Variants in NTF3 observed in about 807,000 individuals in gnomAD.
NTF3 encodes the protein neurotrophin 3.
Under a neutral mutation model 26.3 loss-of-function variants are expected in NTF3, and 8 were observed. That is an observed-to-expected ratio of 0.30 (90% confidence interval 0.18 to 0.55). The LOEUF is 0.55. Ranked by LOEUF, NTF3 falls within the 20% of genes least tolerant of loss-of-function variation. The probability of loss-of-function intolerance (pLI) is 0.93; values close to 1 mark genes in which losing one functional copy is unlikely to be tolerated. For synonymous variants in NTF3, 154 were observed against 145.5 expected (o/e 1.06, Z -0.42); for missense variants, 276 against 352.9 (o/e 0.78, Z 1.75).
chr12:5,485,907 T>A (rs1249039459), intron 1 of NTF3, among the ~76,000 whole-genome samples: 1 of 152,026 alleles, frequency 6.6e-6, no homozygotes, highest in African/African-American at 2.4e-5. Context: ...CCCTAGTCTG[T>A]AAAAGTACTC....
chr12:5,442,459 C>A (rs1454818049), intron 1 of NTF3, among the ~76,000 whole-genome samples: 2 of 152,100 alleles, frequency 1.3e-5, no homozygotes, highest in African/African-American at 4.8e-5. Flanking sequence ...CACCAGGGTA[C>A]TTCTCAGAAG....
At chr12:5,451,683 GT>G (rs889370179) in intron 1 of NTF3, among the ~76,000 whole-genome samples, 2 of 151,994 alleles carry the variant, frequency 1.3e-5, no homozygotes, top group African/African-American at 4.8e-5. Context: ...CTTTATTTTT[GT>G]TTTTTTACTT....
intron 1 of NTF3, among the ~76,000 whole-genome samples, chr12:5,491,822 C>A (rs1940942119): frequency 6.6e-6 from 1 of 150,710 alleles, no homozygotes; most frequent in Admixed American, 6.7e-5. Flanking sequence ...CGGGTTCACA[C>A]CATTCTCCTG....
intron 1 of NTF3, among the ~76,000 whole-genome samples, chr12:5,452,502 G>T (rs954145070): frequency 3.3e-5 from 5 of 152,074 alleles, no homozygotes; most frequent in Admixed American, 1.3e-4. Context: ...TTTCCTTTTG[G>T]TCACACTTTT....
intron 1 of NTF3, among the ~76,000 whole-genome samples, chr12:5,465,795 T>G (rs1370091515): frequency 6.6e-6 from 1 of 152,214 alleles, no homozygotes; most frequent in Non-Finnish European, 1.5e-5. Flanking sequence ...ACTGAGCTCT[T>G]CCATCAGGGA....
chr12:5,473,272 G>A (rs898432914), intron 1 of NTF3, among the ~76,000 whole-genome samples: 1 of 152,162 alleles, frequency 6.6e-6, no homozygotes, highest in African/African-American at 2.4e-5. Flanking sequence ...ACTTGTGCTA[G>A]GACCGCATGA....
chr12:5,451,625 T>C (rs1940373621), intron 1 of NTF3, among the ~76,000 whole-genome samples: 1 of 152,238 alleles, frequency 6.6e-6, no homozygotes, highest in Non-Finnish European at 1.5e-5. Context: ...TCTCTGTGTG[T>C]GCATGTGTTT....
At chr12:5,455,760 A>T (rs572645279) in intron 1 of NTF3, among the ~76,000 whole-genome samples, 27 of 152,234 alleles carry the variant, frequency 1.8e-4, no homozygotes, top group African/African-American at 5.3e-4. Context: ...ACAGCAGCTG[A>T]TCGGGAACAT....
chr12:5,493,014 C>G (rs1940958052), intron 1 of NTF3, among the ~76,000 whole-genome samples: 1 of 152,194 alleles, frequency 6.6e-6, no homozygotes, highest in South Asian at 2.1e-4. Context: ...ATGTACCCCC[C>G]TGGGAGCCAG....
At chr12:5,445,925 C>T (rs1014648182) in intron 1 of NTF3, among the ~76,000 whole-genome samples, 7 of 152,142 alleles carry the variant, frequency 4.6e-5, no homozygotes, top group African/African-American at 1.7e-4. Flanking sequence ...AGAAATTGGA[C>T]GCTAGGAGGA....
At chr12:5,483,640 C>A (rs1247603555) in intron 1 of NTF3, among the ~76,000 whole-genome samples, 1 of 152,114 alleles carries the variant, frequency 6.6e-6, no homozygotes, top group African/African-American at 2.4e-5. Context: ...ATTTATAGTC[C>A]TTTGGGTATA....
intron 1 of NTF3, among the ~76,000 whole-genome samples, chr12:5,443,492 C>T (rs1940265523): frequency 6.6e-6 from 1 of 152,124 alleles, no homozygotes. Context: ...TTCCATGCAA[C>T]CTCTGCATGC....
At chr12:5,432,924 A>G (rs905460280) in intron 1 of NTF3, among the ~76,000 whole-genome samples, 1 of 152,020 alleles carries the variant, frequency 6.6e-6, no homozygotes, top group African/African-American at 2.4e-5. Flanking sequence ...CCGGCCGCTG[A>G]GCCTGATTCT....
At chr12:5,465,133 C>T (rs1199541478) in intron 1 of NTF3, among the ~76,000 whole-genome samples, 1 of 152,212 alleles carries the variant, frequency 6.6e-6, no homozygotes, top group African/African-American at 2.4e-5. Context: ...CATCTCCCGC[C>T]CTCAGTCCAG....
intron 1 of NTF3, among the ~76,000 whole-genome samples, chr12:5,477,930 C>T (rs1057390790): frequency 5.3e-5 from 8 of 152,162 alleles, no homozygotes; most frequent in Non-Finnish European, 7.3e-5. Context: ...ATTAACAGGA[C>T]ACCCAAATAC....
intron 1 of NTF3, among the ~76,000 whole-genome samples, chr12:5,481,343 A>AG (rs1940790112): frequency 6.6e-6 from 1 of 151,806 alleles, no homozygotes; most frequent in Non-Finnish European, 1.5e-5. Context: ...CTTGCCCAGC[A>AG]CACCACGCAC....
intron 1 of NTF3, among the ~76,000 whole-genome samples, chr12:5,455,078 G>A (rs1486774068): frequency 6.6e-6 from 1 of 152,184 alleles, no homozygotes; most frequent in Admixed American, 6.5e-5. Flanking sequence ...GGAGCAAATG[G>A]GAGCACTGGG....
Position 5,493,758 on chromosome 12 carries a change from G to A in NTF3, c.19-436G>A, listed in dbSNP as rs533224047. 4.1e-4 allele frequency among the ~76,000 whole-genome samples: 62 copies of A among 152,228 alleles called. No individual in the cohort carries two copies. The South Asian group carries it at 0.012, about 29-fold the overall frequency. On this transcript the variant is annotated intron_variant, in intron 1 of 1. Coordinates refer to ENST00000423158, the MANE Select transcript of NTF3 (RefSeq NM_001102654.2). ...CTGGGGAGCAGTCGAACTCTTTCTT[G>A]AGACAATTACAAGGCCACCGCTGCT... is the stretch of plus-strand genomic sequence containing the variant.
chr12:5,469,545 T>C (rs1940638469), intron 1 of NTF3, among the ~76,000 whole-genome samples: 1 of 151,930 alleles, frequency 6.6e-6, no homozygotes, highest in Non-Finnish European at 1.5e-5. Context: ...ATGGGGAAAA[T>C]TGCACAGCTT....
Sources: allele counts gnomAD v4.1 joint callset (sites outside exome capture counted in the v4.1 genomes callset), GRCh38; gene constraint gnomAD v4.1.1; transcripts MANE v1.5; gene names NCBI Gene and HGNC (gene_info 2026-07-23, HGNC 2026-07-21).